The following EXD2 variants were observed in gnomAD, a reference collection of about 807,000 sequenced individuals.
The protein encoded by EXD2 is exonuclease 3'-5' domain containing 2.
A neutral mutation model predicts 62.5 loss-of-function variants in EXD2; 40 were observed. The ratio of observed to expected loss-of-function variants is 0.64; its 90% confidence interval spans 0.50 to 0.83. The LOEUF (loss-of-function observed/expected upper bound fraction) is 0.83, where lower values mean the gene tolerates loss of function less well. EXD2 is among the 40% of genes least tolerant of loss of function. EXD2 has a pLI of 0.00. For synonymous variants in EXD2, 239 were observed against 291.9 expected (o/e 0.82, Z 1.85); for missense variants, 671 against 761.8 (o/e 0.88, Z 1.40).
At chr14:69,235,937 T>C (rs1245042119) in intron 6 of EXD2, 109 bp from the exon 7 acceptor site, 1 of 816,186 alleles carries the variant, frequency 1.2e-6, no homozygotes, top group Non-Finnish European at 2.2e-6. Context: ...TGTTTGACCT[T>C]AGTGTTGAGA....
chr14:69,216,015 A>G (rs2042978765), intron 3 of EXD2, among the ~76,000 whole-genome samples: 2 of 152,146 alleles, frequency 1.3e-5, no homozygotes, highest in African/African-American at 2.4e-5. Flanking sequence ...GTCTTTCCCT[A>G]TACACAGTCA....
At chr14:69,236,786 G>A (rs2043809110) in intron 8 of EXD2, among the ~76,000 whole-genome samples, 1 of 152,186 alleles carries the variant, frequency 6.6e-6, no homozygotes, top group South Asian at 2.1e-4. Context: ...GTCTGTCATG[G>A]GGACAGTGGT....
rs139132890 is a variant in EXD2, at chr14:69,243,989, G to T, written c.*2889G>T. On this transcript the variant is annotated 3_prime_UTR_variant, in exon 10 of 10. Transcript: ENST00000685843. ...TTTTAAAATAAAAATGTAAAAAAAA[G>T]GTAAAAAAATAAAATTTTAAATTTT... 125 of 152,050 alleles carry T rather than the reference G, an allele frequency of 8.2e-4. No individual in the cohort carries two copies. Among genetic ancestry groups the T allele is most frequent in the African/African-American group, 2.5e-3 (105 of 41,472 alleles). 9.4% of individuals were successfully genotyped at this position (152,050 alleles called of 1,614,324 possible).
rs571778481 is a variant in EXD2, at chr14:69,194,022, GCT to G, written c.-132+2434_-132+2435del. Among the ~76,000 whole-genome samples the G allele has an allele frequency of 1.9e-3, 290 of 152,026 alleles. 1 individual carries two copies. Among genetic ancestry groups the G allele is most frequent in the Non-Finnish European group, 3.5e-3 (237 of 67,998 alleles). ...AGAGAGAGGAGGGTTTTCTCCTAAA[GCT>G]CTGTTTTCTCCTTGAAGTTCTTCTT... On this transcript the variant is annotated intron_variant, in intron 1 of 9. Coordinates refer to ENST00000685843, the MANE Select transcript of EXD2 (RefSeq NM_001193360.2).
chr14:69,238,990 A>G (rs1265402076), intron 9 of EXD2, among the ~76,000 whole-genome samples: 1 of 152,132 alleles, frequency 6.6e-6, no homozygotes, highest in Non-Finnish European at 1.5e-5. Flanking sequence ...TGGAGGGCCA[A>G]TTCTATGTGT....
At chr14:69,205,441 C>T (rs1441348849) in intron 2 of EXD2, among the ~76,000 whole-genome samples, 1 of 151,960 alleles carries the variant, frequency 6.6e-6, no homozygotes, top group Non-Finnish European at 1.5e-5. Flanking sequence ...TTCTGTATGT[C>T]TGGTCTACAT....
Position 69,241,773 on chromosome 14 carries a change from T to C in EXD2, c.*673T>C, listed in dbSNP as rs1374684277. 1 of 398,306 alleles carries C rather than the reference T, an allele frequency of 2.5e-6. No individual in the cohort carries two copies. 24.7% of individuals were successfully genotyped at this position (398,306 alleles called of 1,614,324 possible). On this transcript the variant is annotated 3_prime_UTR_variant, in exon 10 of 10. Transcript: ENST00000685843. ...ACTGGGAGAAATCCTTTTCTGGACATGAGCCTTTGACCTGGGTGGGGCAGA... is the reference window on the plus strand; with the variant it reads ...ACTGGGAGAAATCCTTTTCTGGACACGAGCCTTTGACCTGGGTGGGGCAGA...
rs900792850 is a variant in EXD2, at chr14:69,241,969, C to T, written c.*869C>T. ...TTTTATCAGAATCAGTATCAGTTCC[C>T]CTGTATTCTGTGCTTCATCGAATTT... On this transcript the variant is annotated 3_prime_UTR_variant, in exon 10 of 10. Transcript: ENST00000685843. 3 of 398,594 alleles carry T rather than the reference C, an allele frequency of 7.5e-6. No homozygotes were observed. The highest frequency in any genetic ancestry group is 4.4e-6 in the Non-Finnish European group (1 of 226,044). The allele number at this position is 398,594 out of a possible 1,614,324, so 24.7% of individuals were successfully genotyped here. A position where few individuals can be genotyped will look rare whatever the true frequency, so the allele number is the denominator to read the frequency against.
In EXD2 at chr14:69,243,526, G is replaced by A. The variant is rs533662493; in HGVS notation, c.*2426G>A. ...CTATGTTTTTAAATCTTTGAAAATA[G>A]ATTTCTAGTGGTTCTACCTTATCCA... On this transcript the variant is annotated 3_prime_UTR_variant, in exon 10 of 10. Coordinates refer to ENST00000685843, the MANE Select transcript of EXD2 (RefSeq NM_001193360.2). 3.4e-4 allele frequency: 52 copies of A among 152,264 alleles called. No individual in the cohort carries two copies. Among genetic ancestry groups the A allele is most frequent in the African/African-American group, 1.2e-3 (51 of 41,558 alleles). 9.4% of individuals were successfully genotyped at this position (152,264 alleles called of 1,614,324 possible).
intron 5 of EXD2, among the ~76,000 whole-genome samples, chr14:69,233,186 C>G (rs749098494): frequency 7.9e-5 from 12 of 152,102 alleles, no homozygotes; most frequent in Non-Finnish European, 1.6e-4. Context: ...TTCAAGCACA[C>G]ATTCTTCTGT....
intron 3 of EXD2, among the ~76,000 whole-genome samples, chr14:69,215,929 A>G (rs936576283): frequency 6.6e-6 from 1 of 151,894 alleles, no homozygotes; most frequent in Non-Finnish European, 1.5e-5. Context: ...GTTTTCTCCC[A>G]TTCTGTGAAT....
At chr14:69,234,621 A>G in intron 5 of EXD2, 79 bp from the exon 6 acceptor site, 2 of 1,195,202 alleles carry the variant, frequency 1.7e-6, no homozygotes, top group South Asian at 1.5e-5. Context: ...AGAGTTATCT[A>G]TTTCTTTGTG....
Position 69,243,981 on chromosome 14 carries a change from A to T in EXD2, c.*2881A>T, listed in dbSNP as rs903792575. 7.9e-5 allele frequency: 12 copies of T among 152,134 alleles called. No individual in the cohort carries two copies. Among genetic ancestry groups the T allele is most frequent in the Non-Finnish European group, 1.5e-4 (10 of 67,980 alleles). The allele number at this position is 152,134 out of a possible 1,614,324, so 9.4% of individuals were successfully genotyped here. Reference sequence around the variant, plus strand: ...ACTGTTTATTTTAAAATAAAAATGTAAAAAAAAGGTAAAAAAATAAAATTT... The same window carrying T: ...ACTGTTTATTTTAAAATAAAAATGTTAAAAAAAGGTAAAAAAATAAAATTT... On this transcript the variant is annotated 3_prime_UTR_variant, in exon 10 of 10. Transcript: ENST00000685843.
rs561361625 is a variant in EXD2, at chr14:69,228,731, C to G, written c.334-85C>G. On this transcript the variant is annotated intron_variant, in intron 3 of 9. Coordinates refer to ENST00000685843, the MANE Select transcript of EXD2 (RefSeq NM_001193360.2). ...TACCTTTGGGAAGTTAAGGATGTAC[C>G]TCTTAGACTTTTTTGTCACAGTTAT... is the stretch of plus-strand genomic sequence containing the variant. 6.0e-6 allele frequency: 9 copies of G among 1,510,274 alleles called. No individual in the cohort carries two copies. The East Asian group carries it at 2.2e-4, about 37-fold the overall frequency. The allele number at this position is 1,510,274 out of a possible 1,614,324, so 93.6% of individuals were successfully genotyped here. A position where few individuals can be genotyped will look rare whatever the true frequency, so the allele number is the denominator to read the frequency against.
At chr14:69,214,893 G>C (rs1406200002) in intron 3 of EXD2, among the ~76,000 whole-genome samples, 4 of 152,004 alleles carry the variant, frequency 2.6e-5, no homozygotes, top group Non-Finnish European at 5.9e-5. Flanking sequence ...TGTTGGGTGT[G>C]ACTATGATTT....
At chr14:69,226,489 T>A (rs2043367075) in intron 3 of EXD2, among the ~76,000 whole-genome samples, 2 of 152,226 alleles carry the variant, frequency 1.3e-5, no homozygotes, top group Non-Finnish European at 1.5e-5. Context: ...ATCTCACGCC[T>A]GTAATCACAG....
chr14:69,200,624 G>C (rs2042364373), intron 1 of EXD2, among the ~76,000 whole-genome samples: 1 of 151,928 alleles, frequency 6.6e-6, no homozygotes, highest in Non-Finnish European at 1.5e-5. Context: ...TGGGAGGATG[G>C]CTTGAGCTCA....
chr14:69,227,700 TG>T lies in EXD2; in HGVS notation c.334-1113del, dbSNP rs1476640152. 4.0e-5 allele frequency among the ~76,000 whole-genome samples: 6 copies of T among 151,854 alleles called. No individual in the cohort carries two copies. In the East Asian group the frequency reaches 1.2e-3, roughly 29 times the overall value. ...CTCTACAAAAAATACAAAAATTAGC[TG>T]GGCGTGCCTGTAACCCCAGCTACTC... On this transcript the variant is annotated intron_variant, in intron 3 of 9. Coordinates refer to ENST00000685843, the MANE Select transcript of EXD2 (RefSeq NM_001193360.2).
In EXD2 at chr14:69,237,932, G is replaced by T. The variant is rs1323134641; in HGVS notation, c.1649+1G>T. 7 of 1,546,834 alleles carry T rather than the reference G, an allele frequency of 4.5e-6. No individual in the cohort carries two copies. Among genetic ancestry groups the T allele is most frequent in the Non-Finnish European group, 6.1e-6 (7 of 1,150,444 alleles). ...AAGAGGCTGCCAGCCTGGAGACCAG[G>T]TACAAAGCACAGGAATTGTGGAATG... On this transcript the variant is annotated splice_donor_variant, in intron 9 of 9. Transcript: ENST00000685843. LOFTEE classifies it high-confidence loss of function.
Sources: gnomAD v4.1 joint callset for allele counts (sites outside exome capture counted in the v4.1 genomes callset) on GRCh38, gnomAD v4.1.1 for gene constraint, MANE v1.5 for transcripts, NCBI Gene and HGNC (gene_info 2026-07-23, HGNC 2026-07-21) for gene names.